Variants in SKP1 observed in about 807,000 individuals in gnomAD.
SKP1 encodes the protein S-phase kinase-associated protein 1.
A neutral mutation model predicts 21.5 loss-of-function variants in SKP1; 1 was observed. The observed-to-expected ratio is 0.05, with a 90% CI of 0.02 to 0.22. The LOEUF is 0.22. Ranked by LOEUF, SKP1 falls within the 10% of genes least tolerant of loss-of-function variation. SKP1 has a pLI of 1.00. For synonymous variants in SKP1, 59 were observed against 59.3 expected, an observed-to-expected ratio of 0.99 and a Z score of 0.03; for missense variants, 70 against 192.0, an observed-to-expected ratio of 0.36 and a Z score of 3.76.
Position 134,156,143 on chromosome 5 carries a change from T to C in SKP1, c.*1590A>G, listed in dbSNP as rs561909547. On this transcript the variant is annotated 3_prime_UTR_variant, in exon 6 of 6. Transcript: ENST00000353411. ...AAGGTTTTTGCAGAAGTTGATCTTA[T>C]AATAGCAGGAATTGGTAGATGAGAC... 3.3e-5 allele frequency: 5 copies of C among 152,148 alleles called. No individual in the cohort carries two copies. The highest frequency in any genetic ancestry group is 9.6e-5 in the African/African-American group (4 of 41,488). The allele number at this position is 152,148 out of a possible 1,614,324, so 9.4% of individuals were successfully genotyped here.
At chr5:134,163,761 G>C (rs1761271921) in intron 3 of SKP1, among the ~76,000 whole-genome samples, 1 of 152,078 alleles carries the variant, frequency 6.6e-6, no homozygotes, top group Non-Finnish European at 1.5e-5. Context: ...CTGCACTCCA[G>C]CCCAGGCAAC....
intron 2 of SKP1, chr5:134,170,963 G>A (rs1212915218): frequency 2.2e-6 from 1 of 451,152 alleles, no homozygotes; most frequent in African/African-American, 2.0e-5. Flanking sequence ...GCCTTTTAGG[G>A]ACACTTGGAT....
intron 4 of SKP1, 32 bp from the exon 5 acceptor site, chr5:134,158,627 T>C: frequency 1.3e-6 from 2 of 1,593,442 alleles, no homozygotes; most frequent in Non-Finnish European, 1.7e-6. Flanking sequence ...CCTTAAAGTA[T>C]ACTTGATGTT....
chr5:134,162,001 TGGA>T (rs1328203485), intron 3 of SKP1: 1 of 151,574 alleles, frequency 6.6e-6, no homozygotes, highest in Non-Finnish European at 1.5e-5. Flanking sequence ...AGCAAAATGT[TGGA>T]GGAGTAAACA....
chr5:134,169,417 A>G (rs984757418), intron 2 of SKP1, among the ~76,000 whole-genome samples: 4 of 152,234 alleles, frequency 2.6e-5, no homozygotes, highest in Non-Finnish European at 5.9e-5. Flanking sequence ...GTCTTTCCTG[A>G]ACAAGTATGA....
chr5:134,171,269 T>C (rs1456221770), intron 2 of SKP1, among the ~76,000 whole-genome samples: 1 of 152,216 alleles, frequency 6.6e-6, no homozygotes, highest in African/African-American at 2.4e-5. Context: ...CTCTAACTTA[T>C]TAACTATGAA....
rs570281799 is a variant in SKP1, at chr5:134,157,157, A to G, written c.*576T>C. 2.0e-5 allele frequency: 3 copies of G among 152,704 alleles called. No individual in the cohort carries two copies. The highest frequency in any genetic ancestry group is 4.4e-5 in the Non-Finnish European group (3 of 68,092). 9.5% of individuals were successfully genotyped at this position (152,704 alleles called of 1,614,324 possible). On this transcript the variant is annotated 3_prime_UTR_variant, in exon 6 of 6. Transcript: ENST00000353411. ...AATATATTTAAAACTAAGAGGATTA[A>G]AAATAAAGAAAAAGAAAACAAGTCC...
intron 4 of SKP1, 102 bp downstream of exon 4, chr5:134,160,885 A>C: frequency 5.5e-6 from 4 of 729,258 alleles, no homozygotes; most frequent in Non-Finnish European, 9.0e-6. Flanking sequence ...ATTTGAATTT[A>C]GAGAGTATTA....
At chr5:134,167,922 G>A (rs941235026) in intron 2 of SKP1, among the ~76,000 whole-genome samples, 3 of 152,140 alleles carry the variant, frequency 2.0e-5, no homozygotes, top group African/African-American at 7.2e-5. Flanking sequence ...GTGGATTTTG[G>A]TATCCACAGG....
At chr5:134,159,146 T>A (rs115710517) in intron 4 of SKP1, among the ~76,000 whole-genome samples, 1 of 152,192 alleles carries the variant, frequency 6.6e-6, no homozygotes, top group East Asian at 1.9e-4. Flanking sequence ...ATAATATAGG[T>A]ATTTCATTCC....
rs896856152 is a variant in SKP1 at position 134,151,653 on chromosome 5, C to G, written c.*6080G>C. On this transcript the variant is annotated 3_prime_UTR_variant, in exon 6 of 6. Transcript: ENST00000353411. ...AGGTCTGAATATACTTAAATACTTC[C>G]AGAAAATTTAAAGTTGACAGATATC... is the stretch of plus-strand genomic sequence containing the variant. 10 of 455,848 alleles carry G rather than the reference C, an allele frequency of 2.2e-5. No individual in the cohort carries two copies. In the Admixed American group the frequency reaches 2.4e-4, roughly 11 times the overall value. 28.2% of individuals were successfully genotyped at this position (455,848 alleles called of 1,614,324 possible). A position where few individuals can be genotyped will look rare whatever the true frequency, so the allele number is the denominator to read the frequency against.
At chr5:134,164,896 G>T (rs1761297797) in intron 3 of SKP1, among the ~76,000 whole-genome samples, 1 of 152,326 alleles carries the variant, frequency 6.6e-6, no homozygotes, top group East Asian at 1.9e-4. Flanking sequence ...CAACATGGAT[G>T]AACCTTGAAA....
rs970859039 is a variant in SKP1, at chr5:134,157,638, G to A, written c.*95C>T. 17 of 1,028,080 alleles carry A rather than the reference G, an allele frequency of 1.7e-5. No individual in the cohort carries two copies. In the Middle Eastern group the frequency reaches 9.0e-4, roughly 54 times the overall value. The allele number at this position is 1,028,080 out of a possible 1,614,324, so 63.7% of individuals were successfully genotyped here. A position where few individuals can be genotyped will look rare whatever the true frequency, so the allele number is the denominator to read the frequency against. On this transcript the variant is annotated 3_prime_UTR_variant, in exon 6 of 6. Transcript: ENST00000353411. Reference sequence around the variant, plus strand: ...ATACAATTGACTTGCTGCTGCATTTGTCTACTGTTTGTCTAATATTAACAA... The same window carrying A: ...ATACAATTGACTTGCTGCTGCATTTATCTACTGTTTGTCTAATATTAACAA...
chr5:134,171,611 AC>A (rs1761441127), intron 2 of SKP1, among the ~76,000 whole-genome samples: 2 of 152,202 alleles, frequency 1.3e-5, no homozygotes, highest in Admixed American at 6.5e-5. Context: ...TTCCTCTCAA[AC>A]CCATTTTCAG....
intron 2 of SKP1, among the ~76,000 whole-genome samples, chr5:134,171,322 C>G (rs928050892): frequency 4.6e-5 from 7 of 152,192 alleles, no homozygotes; most frequent in African/African-American, 7.2e-5. Context: ...GGCAATCACT[C>G]TAGTCACCTA....
rs965018084 is a variant in SKP1 at position 134,156,709 on chromosome 5, A to G, written c.*1024T>C. The G allele has an allele frequency of 1.3e-4, 20 of 152,322 alleles. No individual in the cohort carries two copies. Among genetic ancestry groups the G allele is most frequent in the Non-Finnish European group, 1.5e-5 (1 of 68,054 alleles). The allele number at this position is 152,322 out of a possible 1,614,324, so 9.4% of individuals were successfully genotyped here. On this transcript the variant is annotated 3_prime_UTR_variant, in exon 6 of 6. Transcript: ENST00000353411. ...AAGAATTAAAGTACTAGCTCCAGTT[A>G]GGCATATAAATGACAATTAGAAGGG...
In SKP1 at chr5:134,149,865, C is replaced by CT. The variant is rs1333045147; in HGVS notation, c.*7867dup. On this transcript the variant is annotated 3_prime_UTR_variant, in exon 6 of 6. Transcript: ENST00000353411. ...CAGATCAGCTTTTTTTTTTTTTAATCTGACTTCATAAAGGAAACTCAGATC... is the reference window on the plus strand; with the variant it reads ...CAGATCAGCTTTTTTTTTTTTTAATCTTGACTTCATAAAGGAAACTCAGATC... 1 of 147,334 alleles carries CT rather than the reference C, an allele frequency of 6.8e-6. No homozygotes were observed. Among genetic ancestry groups the CT allele is most frequent in the East Asian group, 2.0e-4 (1 of 5,070 alleles). The allele number at this position is 147,334 out of a possible 1,614,324, so 9.1% of individuals were successfully genotyped here.
rs1382249491 is a variant in SKP1, at chr5:134,151,766, A to G, written c.*5967T>C. 2.2e-6 allele frequency: 1 copy of G among 451,734 alleles called. No individual in the cohort carries two copies. Among genetic ancestry groups the G allele is most frequent in the African/African-American group, 2.0e-5 (1 of 49,924 alleles). 28.0% of individuals were successfully genotyped at this position (451,734 alleles called of 1,614,324 possible). ...ATAGAATGCTGCTCAATACTGGCAC[A>G]CAGACCAGAGGTAGCCAGCAGTACA... is the stretch of plus-strand genomic sequence containing the variant. On this transcript the variant is annotated 3_prime_UTR_variant, in exon 6 of 6. Transcript: ENST00000353411.
chr5:134,168,746 GGGTA>G (rs1761382809), intron 2 of SKP1, among the ~76,000 whole-genome samples: 1 of 152,098 alleles, frequency 6.6e-6, no homozygotes, highest in Admixed American at 6.6e-5. Flanking sequence ...AAAAGAGTCA[GGGTA>G]CACTAAGGTT....
Sources: allele counts gnomAD v4.1 joint callset (sites outside exome capture counted in the v4.1 genomes callset), GRCh38; gene constraint gnomAD v4.1.1; transcripts MANE v1.5; gene names NCBI Gene and HGNC (gene_info 2026-07-23, HGNC 2026-07-21).